The following GLRA2 variants were observed in gnomAD, a reference collection of about 807,000 sequenced individuals.
GLRA2 encodes glycine receptor alpha 2.
GLRA2 carries 11 observed loss-of-function variants against 31.6 expected under a neutral mutation model. The observed-to-expected ratio is 0.35, with a 90% CI of 0.22 to 0.58. The LOEUF is 0.58. Among genes scored for constraint, GLRA2 ranks in the 20% least tolerant of loss-of-function variants. The pLI is 0.84. For synonymous variants in GLRA2, 132 were observed against 134.0 expected (o/e 0.99, Z 0.10); for missense variants, 212 against 351.8 (o/e 0.60, Z 3.18).
chrX:14,604,211 A>G (rs2090306655), intron 4 of GLRA2, 104 bp from the exon 5 acceptor site: 2 of 438,845 alleles, frequency 4.6e-6, no homozygotes, highest in African/African-American at 4.9e-5. Context: ...TCATTATTTG[A>G]ATCAATGTCA....
intron 2 of GLRA2, among the ~76,000 whole-genome samples, chrX:14,557,502 G>T (rs1035762711): frequency 2.0e-4 from 23 of 112,296 alleles, no homozygotes; most frequent in Non-Finnish European, 4.1e-4. Context: ...ATATGACCAA[G>T]AAATATTTTA....
intron 7 of GLRA2, among the ~76,000 whole-genome samples, chrX:14,652,440 A>G (rs2090899409): frequency 9.0e-6 from 1 of 111,407 alleles, no homozygotes; most frequent in African/African-American, 3.3e-5. Flanking sequence ...CAGCTATTGC[A>G]TTTTCTACAA....
the GLRA2 span, among the ~76,000 whole-genome samples, chrX:14,485,347 A>G: frequency 4.4e-5 from 5 of 112,420 alleles, no homozygotes; most frequent in Non-Finnish European, 9.4e-5. Context: ...GCTAGGCACT[A>G]TGTATGTGTG....
intron 7 of GLRA2, among the ~76,000 whole-genome samples, chrX:14,689,186 G>A (rs1028065688): frequency 1.8e-5 from 2 of 111,996 alleles, no homozygotes; most frequent in Admixed American, 1.9e-4. Context: ...TAATTCAAGA[G>A]CCTGTTTTCA....
chrX:14,635,085 T>C (rs1407043243), intron 7 of GLRA2, among the ~76,000 whole-genome samples: 1 of 111,814 alleles, frequency 8.9e-6, no homozygotes. Flanking sequence ...TACTAAAGCT[T>C]AGGAAATGAG....
the GLRA2 span, among the ~76,000 whole-genome samples, chrX:14,456,039 T>G: frequency 9.0e-5 from 10 of 111,516 alleles, no homozygotes; most frequent in African/African-American, 1.3e-4. Context: ...ATGATTTAAA[T>G]AGAATACACA....
chrX:14,718,425 C>T (rs1369863894), intron 8 of GLRA2, among the ~76,000 whole-genome samples: 6 of 112,152 alleles, frequency 5.3e-5, no homozygotes, highest in African/African-American at 1.3e-4. Flanking sequence ...TTTGGCACAA[C>T]GATGACTCAA....
In GLRA2 at chrX:14,713,698, T is replaced by A. The variant is rs1199861425; in HGVS notation, c.1081-16509T>A. On this transcript the variant is annotated intron_variant, in intron 8 of 8. Coordinates refer to ENST00000218075, the MANE Select transcript of GLRA2 (RefSeq NM_002063.4). ...CATTGAAAAGACAAAGACTTCAGAGTTTGCATGGCCCACAAAGCCTAAAAT... is the reference window on the plus strand; with the variant it reads ...CATTGAAAAGACAAAGACTTCAGAGATTGCATGGCCCACAAAGCCTAAAAT... Among the ~76,000 whole-genome samples the A allele has an allele frequency of 2.7e-5, 3 of 110,649 alleles. No homozygotes were observed. In the East Asian group the frequency reaches 8.5e-4, roughly 31 times the overall value.
intron 7 of GLRA2, among the ~76,000 whole-genome samples, chrX:14,637,172 C>A (rs908880373): frequency 1.2e-4 from 14 of 112,316 alleles, no homozygotes; most frequent in African/African-American, 4.2e-4. Context: ...TGATTCCTAT[C>A]ATCTGTGATG....
intron 7 of GLRA2, among the ~76,000 whole-genome samples, chrX:14,650,797 G>A (rs1019153417): frequency 1.8e-5 from 2 of 111,680 alleles, no homozygotes; most frequent in African/African-American, 6.5e-5. Flanking sequence ...GTATTTATAA[G>A]GCTAGAGAAA....
intron 8 of GLRA2, among the ~76,000 whole-genome samples, chrX:14,692,763 TA>T (rs1246805964): frequency 8.9e-6 from 1 of 112,074 alleles, no homozygotes; most frequent in Non-Finnish European, 1.9e-5. Context: ...TTCCCAATTC[TA>T]AATAGTTGTT....
Position 14,586,161 on chromosome X carries a change from G to T in GLRA2, c.494+4755G>T, listed in dbSNP as rs1205138399. On this transcript the variant is annotated intron_variant, in intron 4 of 8. Coordinates refer to ENST00000218075, the MANE Select transcript of GLRA2 (RefSeq NM_002063.4). Reference sequence around the variant, plus strand: ...TATATCTGTATTCCAAAAGGTAGGGGTCTAAAAAAAAAGAGAAGGCAGTAG... The same window carrying T: ...TATATCTGTATTCCAAAAGGTAGGGTTCTAAAAAAAAAGAGAAGGCAGTAG... Among the ~76,000 whole-genome samples the T allele has an allele frequency of 8.1e-5, 9 of 110,888 alleles. No individual in the cohort carries two copies. The East Asian group carries it at 2.6e-3, about 31-fold the overall frequency.
chrX:14,483,904 A>G, the GLRA2 span, among the ~76,000 whole-genome samples: 1 of 111,141 alleles, frequency 9.0e-6, no homozygotes, highest in Admixed American at 9.6e-5. Flanking sequence ...AGCAGGCAGA[A>G]AAATGTGAAA....
chrX:14,608,890 C>T (rs2090366812), intron 6 of GLRA2, 101 bp from the exon 7 acceptor site: 2 of 476,480 alleles, frequency 4.2e-6, no homozygotes, highest in Admixed American at 7.1e-5. Context: ...CCAAATCCAT[C>T]TGCAGTAGTC....
the GLRA2 span, among the ~76,000 whole-genome samples, chrX:14,481,126 G>T: frequency 9.0e-6 from 1 of 111,228 alleles, no homozygotes; most frequent in African/African-American, 3.3e-5. Context: ...TTCATTATTT[G>T]TGGCTATTAT....
At chrX:14,707,544 G>A (rs1364424895) in intron 8 of GLRA2, among the ~76,000 whole-genome samples, 2 of 107,594 alleles carry the variant, frequency 1.9e-5, no homozygotes, top group African/African-American at 6.7e-5. Context: ...GAACCTGATA[G>A]GTAGTTTTTT....
Position 14,569,469 on chromosome X carries a change from A to T in GLRA2, c.203-4864A>T, listed in dbSNP as rs757833923. On this transcript the variant is annotated intron_variant, in intron 2 of 8. Transcript: ENST00000218075. ...GGGTAAAGGGCTTGAAGAGATATTTATCCAAAGAAAATATACAAATAGCCA... is the reference window on the plus strand; with the variant it reads ...GGGTAAAGGGCTTGAAGAGATATTTTTCCAAAGAAAATATACAAATAGCCA... 1.1e-4 allele frequency among the ~76,000 whole-genome samples: 12 copies of T among 112,565 alleles called. No homozygotes were observed. The South Asian group carries it at 4.4e-3, about 41-fold the overall frequency.
the GLRA2 span, among the ~76,000 whole-genome samples, chrX:14,452,134 C>A: frequency 8.9e-6 from 1 of 112,172 alleles, no homozygotes; most frequent in African/African-American, 3.2e-5. Context: ...ATGTAACAAA[C>A]CTGCATATGC....
At chrX:14,484,592 G>A in the GLRA2 span, among the ~76,000 whole-genome samples, 1 of 112,096 alleles carries the variant, frequency 8.9e-6, no homozygotes, top group East Asian at 2.8e-4. Context: ...AAGTCTTTCG[G>A]TTAGACATTA....
Sources: allele counts gnomAD v4.1 joint callset (sites outside exome capture counted in the v4.1 genomes callset), GRCh38; gene constraint gnomAD v4.1.1; transcripts MANE v1.5; gene names NCBI Gene and HGNC (gene_info 2026-07-23, HGNC 2026-07-21).